The following UBXN7 variants were observed in gnomAD, a reference collection of about 807,000 sequenced individuals.
UBXN7 encodes the protein UBX domain protein 7, also known as UBX domain-containing protein 7.
In UBXN7, 9 loss-of-function variants were observed where a neutral mutation model predicts 58.0. The ratio of observed to expected loss-of-function variants is 0.16; its 90% CI spans 0.09 to 0.27. UBXN7 has a LOEUF of 0.27. Among genes scored for constraint, UBXN7 ranks in the 10% least tolerant of loss-of-function variants. The pLI is 1.00. For missense variants in UBXN7, 328 were observed against 599.6 expected, an observed-to-expected ratio of 0.55 and a Z score of 4.73; for synonymous variants, 208 against 205.0, an observed-to-expected ratio of 1.01 and a Z score of -0.12.
chr3:196,419,962 G>A (rs777175162), intron 1 of UBXN7, among the ~76,000 whole-genome samples: 1 of 152,178 alleles, frequency 6.6e-6, no homozygotes, highest in African/African-American at 2.4e-5. Context: ...GGAATATGAA[G>A]AAGTGAAGGT....
At chr3:196,401,857 G>C (rs1002715929) in intron 3 of UBXN7, among the ~76,000 whole-genome samples, 1 of 149,334 alleles carries the variant, frequency 6.7e-6, no homozygotes, top group African/African-American at 2.5e-5. Flanking sequence ...GAAGAGAAGA[G>C]AAGAAAAACT....
chr3:196,406,860 T>A (rs1346332513), intron 2 of UBXN7, among the ~76,000 whole-genome samples: 1 of 152,226 alleles, frequency 6.6e-6, no homozygotes, highest in Admixed American at 6.5e-5. Flanking sequence ...CTGTGTAGCT[T>A]GGGGAAATGG....
intron 8 of UBXN7, among the ~76,000 whole-genome samples, chr3:196,362,894 TTTG>T (rs1728544234): frequency 6.6e-6 from 1 of 151,834 alleles, no homozygotes; most frequent in Non-Finnish European, 1.5e-5. Context: ...CACACACGTT[TTTG>T]TTGTTTTGTT....
chr3:196,376,642 T>C (rs1453064417), intron 5 of UBXN7, among the ~76,000 whole-genome samples: 2 of 151,996 alleles, frequency 1.3e-5, no homozygotes, highest in Non-Finnish European at 2.9e-5. Context: ...TATTTTCACT[T>C]GCATTTATAC....
At chr3:196,367,465 A>G (rs1290274323) in intron 8 of UBXN7, among the ~76,000 whole-genome samples, 1 of 152,200 alleles carries the variant, frequency 6.6e-6, no homozygotes, top group Non-Finnish European at 1.5e-5. Context: ...TTGTTTCAGC[A>G]AAAACAAAAA....
chr3:196,362,252 A>G, intron 9 of UBXN7, 42 bp downstream of exon 9: 2 of 1,543,342 alleles, frequency 1.3e-6, no homozygotes, highest in Non-Finnish European at 1.7e-6. Context: ...GCCCGGCCCC[A>G]ATATCTAAGT....
chr3:196,358,945 G>A (rs1010636486), intron 10 of UBXN7, among the ~76,000 whole-genome samples: 1 of 151,802 alleles, frequency 6.6e-6, no homozygotes, highest in Admixed American at 6.6e-5. Context: ...ACAGGAGTGA[G>A]CCACTGCACC....
At chr3:196,358,796 T>C (rs1728423369) in intron 10 of UBXN7, among the ~76,000 whole-genome samples, 1 of 150,990 alleles carries the variant, frequency 6.6e-6, no homozygotes, top group Non-Finnish European at 1.5e-5. Flanking sequence ...CAGTTAGAGA[T>C]CAGACTAAAC....
chr3:196,419,279 G>A (rs551676949), intron 1 of UBXN7, among the ~76,000 whole-genome samples: 2 of 143,768 alleles, frequency 1.4e-5, no homozygotes, highest in African/African-American at 5.0e-5. Flanking sequence ...GCAAGACCCT[G>A]TCTCTAAATA....
intron 5 of UBXN7, among the ~76,000 whole-genome samples, chr3:196,378,083 GTGTT>G (rs1457879846): frequency 4.6e-5 from 7 of 152,102 alleles, no homozygotes; most frequent in Admixed American, 1.3e-4. Flanking sequence ...TTATATATAT[GTGTT>G]TGTGTGTGTT....
At chr3:196,401,141 G>T (rs940489588) in intron 3 of UBXN7, among the ~76,000 whole-genome samples, 1 of 147,668 alleles carries the variant, frequency 6.8e-6, no homozygotes, top group South Asian at 2.1e-4. Flanking sequence ...GCCGGGTATG[G>T]TGGCTCATGC....
chr3:196,361,244 AT>A (rs752498942), intron 10 of UBXN7, among the ~76,000 whole-genome samples: 3 of 152,192 alleles, frequency 2.0e-5, no homozygotes, highest in Admixed American at 1.3e-4. Context: ...ATATGACTGA[AT>A]TGCTGCAATC....
Position 196,353,006 on chromosome 3 carries a change from A to C in UBXN7, c.*3679T>G, listed in dbSNP as rs1224000671. On this transcript the variant is annotated 3_prime_UTR_variant, in exon 11 of 11. Transcript: ENST00000296328. ...CACATCTTCACCAGTGCATCATTTT[A>C]AAAAAGCAATAATCAGCCTCTCAAA... 6.6e-6 allele frequency: 1 copy of C among 152,218 alleles called. No individual in the cohort carries two copies. Among genetic ancestry groups the C allele is most frequent in the Non-Finnish European group, 1.5e-5 (1 of 68,024 alleles). The allele number at this position is 152,218 out of a possible 1,614,324, so 9.4% of individuals were successfully genotyped here.
At chr3:196,409,656 T>A (rs1268682576) in intron 1 of UBXN7, among the ~76,000 whole-genome samples, 1 of 152,160 alleles carries the variant, frequency 6.6e-6, no homozygotes, top group African/African-American at 2.4e-5. Flanking sequence ...GTAACAATCT[T>A]TGTTATAAAT....
At chr3:196,391,265 G>A (rs1474731288) in intron 5 of UBXN7, among the ~76,000 whole-genome samples, 1 of 152,042 alleles carries the variant, frequency 6.6e-6, no homozygotes, top group East Asian at 1.9e-4. Context: ...CACCGCACAA[G>A]GCTAATAAAA....
chr3:196,403,944 C>T (rs935061426), intron 2 of UBXN7, among the ~76,000 whole-genome samples: 2 of 151,850 alleles, frequency 1.3e-5, no homozygotes, highest in African/African-American at 4.8e-5. Flanking sequence ...ATGGTGTGTG[C>T]CTTTAAAGAT....
At chr3:196,409,583 T>C (rs1730261348) in intron 1 of UBXN7, among the ~76,000 whole-genome samples, 1 of 152,158 alleles carries the variant, frequency 6.6e-6, no homozygotes, top group Non-Finnish European at 1.5e-5. Flanking sequence ...ACTACCAAAC[T>C]GAGACCACTT....
At chr3:196,424,703 CTT>C (rs36110858) in intron 1 of UBXN7, among the ~76,000 whole-genome samples, 1,991 of 105,206 alleles carry the variant, frequency 0.019, 11 homozygotes, top group Non-Finnish European at 0.029. Flanking sequence ...TTTTTATAAC[CTT>C]TTTTTTTTTT....
intron 1 of UBXN7, among the ~76,000 whole-genome samples, chr3:196,408,172 A>G (rs1339135922): frequency 6.6e-6 from 1 of 151,864 alleles, no homozygotes; most frequent in African/African-American, 2.4e-5. Flanking sequence ...TTTTTGTCTA[A>G]GACATAACTA....
Sources: allele counts gnomAD v4.1 joint callset (sites outside exome capture counted in the v4.1 genomes callset), GRCh38; gene constraint gnomAD v4.1.1; transcripts MANE v1.5; gene names NCBI Gene and HGNC (gene_info 2026-07-23, HGNC 2026-07-21).